BCCIP: variants seen among roughly 807,000 people sequenced by gnomAD.
BCCIP encodes the protein BRCA2 and CDKN1A-interacting protein.
Under a neutral mutation model 32.8 loss-of-function variants are expected in BCCIP, and 23 were observed. The ratio of observed to expected loss-of-function variants is 0.70; its 90% CI spans 0.51 to 0.99. BCCIP has a LOEUF of 0.99. BCCIP is among the 50% of genes least tolerant of loss of function. BCCIP has a pLI of 0.00. For missense variants in BCCIP, 378 were observed against 379.8 expected (o/e 1.00, Z 0.04); for synonymous variants, 144 against 137.6 (o/e 1.05, Z -0.33).
At chr10:125,853,321 C>A in exon 8 of BCCIP, 1 of 808,892 alleles carries the variant, frequency 1.2e-6, no homozygotes, top group Non-Finnish European at 1.8e-6. Context: ...GTAAATTAGT[C>A]AATATTTGTT....
At chr10:125,842,970 C>T (rs528342098), downstream of BCCIP, among the ~76,000 whole-genome samples, 35 of 152,016 alleles carry the variant, frequency 2.3e-4, no homozygotes, top group East Asian at 4.1e-3. Flanking sequence ...AAAGTAATTG[C>T]GGTTTTTGCC....
downstream of BCCIP, among the ~76,000 whole-genome samples, chr10:125,847,664 T>C (rs575969908): frequency 1.3e-5 from 2 of 152,318 alleles, no homozygotes; most frequent in East Asian, 3.9e-4. Flanking sequence ...TTTTTATTAT[T>C]ATTACATTGT....
At chr10:125,848,060 A>T (rs1427768441) in intron 7 of BCCIP, among the ~76,000 whole-genome samples, 1 of 152,186 alleles carries the variant, frequency 6.6e-6, no homozygotes, top group East Asian at 1.9e-4. Context: ...ACAGAGAAAA[A>T]TGCAGTTATC....
At chr10:125,839,490 C>CCCGTGG (rs1241265438), downstream of BCCIP, among the ~76,000 whole-genome samples, 1 of 152,222 alleles carries the variant, frequency 6.6e-6, no homozygotes, top group Admixed American at 6.5e-5. Flanking sequence ...ATTTCACTAA[C>CCCGTGG]CCGTGGCTCA....
downstream of BCCIP, among the ~76,000 whole-genome samples, chr10:125,844,038 A>G (rs1232497392): frequency 6.6e-6 from 1 of 152,234 alleles, no homozygotes; most frequent in Non-Finnish European, 1.5e-5. Flanking sequence ...GGGTCCTGAC[A>G]TACAGCATTA....
At chr10:125,827,839 G>A (rs1259682510) in intron 3 of BCCIP, among the ~76,000 whole-genome samples, 1 of 151,990 alleles carries the variant, frequency 6.6e-6, no homozygotes, top group Admixed American at 6.6e-5. Flanking sequence ...GGGCATAGTA[G>A]CACATGCCTG....
downstream of BCCIP, among the ~76,000 whole-genome samples, chr10:125,840,587 T>G (rs1440162484): frequency 1.3e-5 from 2 of 152,206 alleles, no homozygotes; most frequent in Non-Finnish European, 2.9e-5. Context: ...AAGCTTGCTC[T>G]GAAGGCTGGC....
In BCCIP at chr10:125,831,322, C is replaced by A. The variant is rs964456382; in HGVS notation, c.412-98C>A. 4.1e-6 allele frequency: 5 copies of A among 1,213,526 alleles called. No individual in the cohort carries two copies. The African/African-American group carries it at 4.6e-5, about 11-fold the overall frequency. 75.2% of individuals were successfully genotyped at this position (1,213,526 alleles called of 1,614,324 possible). ...CGTTAAGGCTATGGCAGGAAACTGC[C>A]CTTAGCTGTAAGATGAAAAGTGATA... On this transcript the variant is annotated intron_variant, in intron 4 of 6. Coordinates refer to ENST00000278100, the MANE Select transcript of BCCIP (RefSeq NM_078468.3).
intron 6 of BCCIP, among the ~76,000 whole-genome samples, chr10:125,834,582 CA>C (rs2134014248): frequency 6.6e-6 from 1 of 151,864 alleles, no homozygotes; most frequent in East Asian, 1.9e-4. Flanking sequence ...GCGGGCAGAT[CA>C]CCTGAGGCCA....
At chr10:125,825,577 C>A (rs953885986) in intron 1 of BCCIP, 1 of 152,108 alleles carries the variant, frequency 6.6e-6, no homozygotes, top group African/African-American at 2.4e-5. Flanking sequence ...TAAGCAATTC[C>A]AGGGCCTTGC....
At chr10:125,832,468 C>T (rs1290785828) in intron 5 of BCCIP, among the ~76,000 whole-genome samples, 2 of 152,100 alleles carry the variant, frequency 1.3e-5, no homozygotes, top group Non-Finnish European at 2.9e-5. Flanking sequence ...CCTAGGGATT[C>T]GATGCTTCTT....
In BCCIP at chr10:125,835,594, AC is replaced by A. The variant is rs1293993536; in HGVS notation, c.775-509del. Among the ~76,000 whole-genome samples, 50 of 150,044 alleles carry A rather than the reference AC, an allele frequency of 3.3e-4. No homozygotes were observed. The East Asian group carries it at 6.9e-3, about 21-fold the overall frequency. On this transcript the variant is annotated intron_variant, in intron 6 of 6. Transcript: ENST00000278100. ...ACTCTGTCTCAAAAAAAAAAAACAA[AC>A]AAACAAAAAAAACAAAACCATATGC...
intron 5 of BCCIP, 40 bp from the exon 6 acceptor site, chr10:125,833,732 G>A: frequency 1.2e-6 from 2 of 1,606,948 alleles, no homozygotes; most frequent in Non-Finnish European, 1.7e-6. Flanking sequence ...GATTTCACTT[G>A]ACCCAGCAGG....
At position 125,830,591 on chromosome 10, in the gene BCCIP, T is replaced by C; in HGVS notation, c.351T>C (p.Asp117=). 1 of 1,606,888 alleles carries C rather than the reference T, an allele frequency of 6.2e-7. No individual in the cohort carries two copies. The highest frequency in any genetic ancestry group is 2.2e-5 in the East Asian group (1 of 44,732). The change falls in exon 4 of 7, where the codon GAT becomes GAC. Residue 117 remains aspartate, a synonymous_variant. Transcript: ENST00000278100. ...CGGATGTTTCAGAAGACAGCAATGATGATATGGATGAAGATGAGGTTTTTG... is the reference window on the plus strand; with the variant it reads ...CGGATGTTTCAGAAGACAGCAATGACGATATGGATGAAGATGAGGTTTTTG... ...KQTDVSEDSN[D]DMDEDEVFGF...
chr10:125,846,108 G>A (rs545735078), downstream of BCCIP, among the ~76,000 whole-genome samples: 1 of 152,312 alleles, frequency 6.6e-6, no homozygotes, highest in Admixed American at 6.5e-5. Flanking sequence ...CACCTGTCTA[G>A]TCAGTATTCC....
At chr10:125,837,243 A>G (rs1854720865), downstream of BCCIP, among the ~76,000 whole-genome samples, 1 of 152,190 alleles carries the variant, frequency 6.6e-6, no homozygotes, top group Admixed American at 6.5e-5. Flanking sequence ...GTACCACTCC[A>G]CATCCAGCTG....
Position 125,836,162 on chromosome 10 carries a change from G to T in BCCIP, c.833G>T (p.Gly278Val). The T allele has an allele frequency of 6.2e-7, 1 of 1,614,222 alleles. No individual in the cohort carries two copies. The highest frequency in any genetic ancestry group is 8.5e-7 in the Non-Finnish European group (1 of 1,180,040). The change falls in exon 7 of 7, where the codon GGC (glycine) becomes GTC (valine). Residue 278 changes from glycine to valine, a missense_variant. Gly to Val is a moderately radical substitution (Grantham distance 109). Transcript: ENST00000278100. ...GAGGAGAGCGACACTTGTCTGGGAGGCAAATGGTCTTTTGATGACGTACCA... is the reference window on the plus strand; with the variant it reads ...GAGGAGAGCGACACTTGTCTGGGAGTCAAATGGTCTTTTGATGACGTACCA... ...VQEESDTCLG[G>V]KWSFDDVPMT...
chr10:125,826,879 A>G (rs1004999406), intron 2 of BCCIP, among the ~76,000 whole-genome samples: 2 of 151,850 alleles, frequency 1.3e-5, no homozygotes, highest in African/African-American at 4.8e-5. Flanking sequence ...ACACACCGTT[A>G]GTCCTAACTC....
chr10:125,841,236 C>T (rs778146466), downstream of BCCIP: 3 of 1,609,560 alleles, frequency 1.9e-6, no homozygotes, highest in South Asian at 2.2e-5. Flanking sequence ...TGGTTAATAT[C>T]CTGCTTCTAT....
Sources: allele counts gnomAD v4.1 joint callset (sites outside exome capture counted in the v4.1 genomes callset), GRCh38; gene constraint gnomAD v4.1.1; transcripts MANE v1.5; gene names NCBI Gene and HGNC (gene_info 2026-07-23, HGNC 2026-07-21).